Variants in ABI3BP observed in about 807,000 individuals in gnomAD.
ABI3BP encodes the protein target of Nesh-SH3.
Under a neutral mutation model 268.6 loss-of-function variants are expected in ABI3BP, and 216 were observed. The ratio of observed to expected loss-of-function variants is 0.80; its 90% CI spans 0.72 to 0.90. The LOEUF is 0.90. ABI3BP is among the 40% of genes least tolerant of loss of function. ABI3BP has a pLI of 0.00. For missense variants in ABI3BP, 2,090 were observed against 2,182.4 expected (o/e 0.96, Z 0.84); for synonymous variants, 730 against 730.0 (o/e 1.00, Z 0.00).
At position 100,866,747 on chromosome 3, in the gene ABI3BP, C is replaced by T; in HGVS notation, c.988+132G>A. The T allele has an allele frequency of 5.6e-6, 4 of 713,958 alleles. No individual in the cohort carries two copies. The South Asian group carries it at 5.9e-5, about 11-fold the overall frequency. 44.2% of individuals were successfully genotyped at this position (713,958 alleles called of 1,614,324 possible). The stretch of plus-strand genomic sequence containing the variant: ...TTCCCAAACGTTAGAGACCTAGAAT[C>T]TCCTACTGTTTTGCATTTATGATCA... On this transcript the variant is annotated intron_variant, in intron 10 of 67. Transcript: ENST00000471714.
chr3:100,770,717 T>C (rs767168965), intron 62 of ABI3BP, 26 bp downstream of exon 62: 3 of 1,440,156 alleles, frequency 2.1e-6, no homozygotes, highest in East Asian at 2.6e-5. Context: ...CTTCCCACCA[T>C]AACAGTCCTC....
chr3:100,828,398 G>T lies in ABI3BP; in HGVS notation c.2597C>A (p.Thr866Lys). The change falls in exon 34 of 68, where the codon ACA (threonine) becomes AAA (lysine). Residue 866 changes from threonine (T) to lysine (K), a missense_variant. Transcript: ENST00000471714. ...AGATCAAAAAGTGGCATTACCGAAT[G>T]TTGTCCCTGGAGCCTCTTTTATAGG... is the stretch of plus-strand genomic sequence containing the variant. ...VSPIKEAPGT[T>K]FVPVTDLEPV... 2 of 1,534,812 alleles carry T rather than the reference G, an allele frequency of 1.3e-6. No individual in the cohort carries two copies. Among genetic ancestry groups the T allele is most frequent in the South Asian group, 2.4e-5 (2 of 83,916 alleles).
At chr3:100,962,207 G>T (rs2079388475) in intron 1 of ABI3BP, among the ~76,000 whole-genome samples, 1 of 152,076 alleles carries the variant, frequency 6.6e-6, no homozygotes, top group African/African-American at 2.4e-5. Flanking sequence ...GAAAATTGAA[G>T]TCACTGGACA....
chr3:100,870,935 C>A (rs1470679075), intron 9 of ABI3BP, among the ~76,000 whole-genome samples: 1 of 151,946 alleles, frequency 6.6e-6, no homozygotes, highest in Non-Finnish European at 1.5e-5. Flanking sequence ...ATAAGCCAAG[C>A]ACAGAAAGAA....
intron 24 of ABI3BP, 95 bp downstream of exon 24, chr3:100,839,474 G>A: frequency 1.6e-6 from 2 of 1,258,064 alleles, no homozygotes; most frequent in East Asian, 2.5e-5. Flanking sequence ...AAACTGTGAT[G>A]AGGTGGTGGA....
chr3:100,842,607 G>C (rs1052468963), intron 20 of ABI3BP, among the ~76,000 whole-genome samples: 5 of 152,106 alleles, frequency 3.3e-5, no homozygotes, highest in African/African-American at 9.7e-5. Flanking sequence ...TAACCCATTT[G>C]GACTGGTAAA....
intron 63 of ABI3BP, 147 bp from the exon 64 acceptor site, chr3:100,754,838 G>A: frequency 3.0e-6 from 2 of 677,572 alleles, no homozygotes; most frequent in Non-Finnish European, 2.5e-6. Flanking sequence ...AGCAGGTTGA[G>A]GAAAGAAAAA....
intron 1 of ABI3BP, among the ~76,000 whole-genome samples, chr3:100,991,903 C>T (rs16843113): frequency 0.17 from 26,049 of 152,090 alleles, 2,523 homozygotes; most frequent in East Asian, 0.44. Context: ...GCACCTATAT[C>T]ATCCCTATGC....
intron 34 of ABI3BP, among the ~76,000 whole-genome samples, chr3:100,827,728 G>T (rs1332768345): frequency 6.6e-6 from 1 of 152,012 alleles, no homozygotes; most frequent in Non-Finnish European, 1.5e-5. Context: ...AAATTTGACA[G>T]ATTAAATAAA....
intron 15 of ABI3BP, among the ~76,000 whole-genome samples, chr3:100,851,023 A>C (rs1438727373): frequency 6.6e-6 from 1 of 152,176 alleles, no homozygotes; most frequent in Admixed American, 6.5e-5. Flanking sequence ...ATAATTGCTA[A>C]CTGAACTCAC....
In ABI3BP at chr3:100,816,280, G is replaced by A. The variant is rs1028321691; in HGVS notation, c.3230-309C>T. The A allele has an allele frequency of 5.8e-5, 26 of 445,830 alleles. No individual in the cohort carries two copies. The East Asian group carries it at 7.3e-4, about 13-fold the overall frequency. The allele number at this position is 445,830 out of a possible 1,614,324, so 27.6% of individuals were successfully genotyped here. On this transcript the variant is annotated intron_variant, in intron 43 of 67. Coordinates refer to ENST00000471714, the MANE Select transcript of ABI3BP (RefSeq NM_001375547.2). The stretch of plus-strand genomic sequence containing the variant: ...GGAAATTTGTTTAGGCAACAGATAC[G>A]AAAATACAGAGAGAAATATATATGA...
intron 12 of ABI3BP, chr3:100,863,748 T>A (rs2099022881): frequency 4.7e-6 from 2 of 422,896 alleles, no homozygotes; most frequent in Non-Finnish European, 8.5e-6. Flanking sequence ...ACAGAAATGA[T>A]CAATTTGTTC....
intron 1 of ABI3BP, among the ~76,000 whole-genome samples, chr3:100,941,059 G>A (rs1163896057): frequency 6.6e-6 from 1 of 151,012 alleles, no homozygotes. Context: ...CAGAATAAAA[G>A]CTATGGTAAA....
intron 4 of ABI3BP, among the ~76,000 whole-genome samples, chr3:100,891,137 A>G (rs996039627): frequency 4.6e-5 from 7 of 152,136 alleles, no homozygotes; most frequent in African/African-American, 1.7e-4. Context: ...TCCTAACTCA[A>G]CAGTAGGATC....
chr3:100,949,809 A>G (rs1205181722), intron 1 of ABI3BP, among the ~76,000 whole-genome samples: 1 of 152,128 alleles, frequency 6.6e-6, no homozygotes, highest in Non-Finnish European at 1.5e-5. Context: ...GGCGTTTTGA[A>G]GAAGGAGGAC....
At chr3:100,763,806 T>G (rs1485320068) in intron 63 of ABI3BP, among the ~76,000 whole-genome samples, 1 of 152,220 alleles carries the variant, frequency 6.6e-6, no homozygotes, top group African/African-American at 2.4e-5. Context: ...ATGGCACTCT[T>G]GCCAAGACAT....
At chr3:100,800,683 G>T (rs1310467843) in intron 51 of ABI3BP, among the ~76,000 whole-genome samples, 1 of 152,032 alleles carries the variant, frequency 6.6e-6, no homozygotes, top group Non-Finnish European at 1.5e-5. Context: ...GTTTCACCAT[G>T]TTAGCCAGAA....
At chr3:100,840,387 C>T (rs954656467) in intron 22 of ABI3BP, among the ~76,000 whole-genome samples, 1 of 152,012 alleles carries the variant, frequency 6.6e-6, no homozygotes, top group Non-Finnish European at 1.5e-5. Flanking sequence ...TCTGTTCTTC[C>T]ATTTTGAGAT....
chr3:100,967,082 C>G (rs1325148935), intron 1 of ABI3BP, among the ~76,000 whole-genome samples: 1 of 152,054 alleles, frequency 6.6e-6, no homozygotes, highest in Non-Finnish European at 1.5e-5. Flanking sequence ...AAGGGAAAGG[C>G]TTGAACTGTA....
Sources: gnomAD v4.1 joint callset for allele counts (sites outside exome capture counted in the v4.1 genomes callset) on GRCh38, gnomAD v4.1.1 for gene constraint, MANE v1.5 for transcripts, NCBI Gene and HGNC (gene_info 2026-07-23, HGNC 2026-07-21) for gene names.